The following CLDN1 variants were observed in gnomAD, a reference collection of about 807,000 sequenced individuals.
CLDN1 encodes the protein claudin 1, also known as claudin-1.
In CLDN1, 12 loss-of-function variants were observed where a neutral mutation model predicts 22.6. That is an observed-to-expected ratio of 0.53 (90% confidence interval 0.34 to 0.86). CLDN1 has a LOEUF of 0.86. Ranked by LOEUF, CLDN1 falls within the 40% of genes least tolerant of loss-of-function variation. The pLI is 0.02. For missense variants in CLDN1, 250 were observed against 269.5 expected, an observed-to-expected ratio of 0.93 and a Z score of 0.51; for synonymous variants, 99 against 103.8, an observed-to-expected ratio of 0.95 and a Z score of 0.28.
intron 1 of CLDN1, among the ~76,000 whole-genome samples, chr3:190,315,022 G>A (rs1005165832): frequency 9.9e-5 from 15 of 152,240 alleles, no homozygotes; most frequent in Middle Eastern, 6.8e-3. Flanking sequence ...GCCATACTGT[G>A]GTATGAAGAG....
chr3:190,314,494 A>C (rs113073339), intron 1 of CLDN1, among the ~76,000 whole-genome samples: 25 of 152,122 alleles, frequency 1.6e-4, no homozygotes, highest in African/African-American at 5.5e-4. Flanking sequence ...TCTGGGGCTC[A>C]AGCGATTCTC....
Position 190,308,401 on chromosome 3 carries a change from G to C in CLDN1, c.512C>G (p.Ala171Gly), listed in dbSNP as rs529377941. Residue 171 changes from alanine to glycine, a missense_variant, in exon 4 of 4, where the codon GCT becomes GGT. By Grantham distance (60) the Ala-to-Gly change is moderately conservative (BLOSUM62 0). Transcript: ENST00000295522. ...ACCTCCCAGAAGGCAGAGAGAAGCA[G>C]CAGCCCAGCCAGTGAAGAGAGCCTG... ...FGQALFTGWA[A>G]ASLCLLGGAL... is the part of the protein sequence containing the mutation. 1.1e-4 allele frequency: 171 copies of C among 1,613,694 alleles called. 2 individuals are homozygous for C. The South Asian group carries it at 1.3e-3, about 12-fold the overall frequency.
intron 2 of CLDN1, 42 bp downstream of exon 2, chr3:190,312,830 G>A: frequency 6.2e-7 from 1 of 1,604,784 alleles, no homozygotes; most frequent in South Asian, 1.1e-5. Flanking sequence ...ATCATACCAG[G>A]AACAGGTTAG....
At chr3:190,313,828 A>G (rs1716691834) in intron 1 of CLDN1, among the ~76,000 whole-genome samples, 1 of 152,196 alleles carries the variant, frequency 6.6e-6, no homozygotes, top group Non-Finnish European at 1.5e-5. Context: ...GTACTAACTC[A>G]TGATCAAATA....
intron 1 of CLDN1, among the ~76,000 whole-genome samples, chr3:190,319,610 C>G (rs1367526743): frequency 6.6e-6 from 1 of 152,202 alleles, no homozygotes; most frequent in African/African-American, 2.4e-5. Context: ...AGCCCTGCAT[C>G]TGGCCGGGAA....
chr3:190,321,513 A>G (rs1159203297), intron 1 of CLDN1, among the ~76,000 whole-genome samples: 3 of 152,248 alleles, frequency 2.0e-5, no homozygotes, highest in African/African-American at 7.2e-5. Context: ...AAATCATATT[A>G]AAGGTTAAAA....
At chr3:190,312,781 T>G (rs2108608826) in intron 2 of CLDN1, 91 bp downstream of exon 2, 2 of 1,466,752 alleles carry the variant, frequency 1.4e-6, no homozygotes, top group East Asian at 4.5e-5. Context: ...CCTTAGAGAC[T>G]GAAATCAAGT....
Position 190,308,360 on chromosome 3 carries a change from A to C in CLDN1, c.553T>G (p.Ser185Ala). The change falls in exon 4 of 4, where the codon TCC becomes GCC. Residue 185 changes from serine (S) to alanine (A), a missense_variant. Ser to Ala is a moderately conservative substitution (Grantham distance 99). Coordinates refer to ENST00000295522, the MANE Select transcript of CLDN1 (RefSeq NM_021101.5). ...TAAGAGGTTGTTTTTCGGGGACAGG[A>C]ACAGCAAAGTAGGGCACCTCCCAGA... ...CLLGGALLCC[S>A]CPRKTTSYPT... The C allele has an allele frequency of 6.2e-7, 1 of 1,613,938 alleles. No homozygotes were observed. Among genetic ancestry groups the C allele is most frequent in the Non-Finnish European group, 8.5e-7 (1 of 1,179,904 alleles).
At chr3:190,309,033 G>A (rs73889952) in intron 3 of CLDN1, among the ~76,000 whole-genome samples, 3,233 of 152,152 alleles carry the variant, frequency 0.021, 127 homozygotes, top group African/African-American at 0.073. Flanking sequence ...TGGACAATAC[G>A]GAAGAGTAGA....
At chr3:190,311,312 A>T (rs1716610862) in intron 2 of CLDN1, among the ~76,000 whole-genome samples, 1 of 152,210 alleles carries the variant, frequency 6.6e-6, no homozygotes, top group African/African-American at 2.4e-5. Context: ...GGCCACAAAG[A>T]TTACTATTCG....
At chr3:190,316,632 A>G (rs1446663650) in intron 1 of CLDN1, among the ~76,000 whole-genome samples, 1 of 152,226 alleles carries the variant, frequency 6.6e-6, no homozygotes, top group Non-Finnish European at 1.5e-5. Flanking sequence ...AGATTTGTAA[A>G]GTATGTAATC....
chr3:190,316,405 CA>C (rs1324321152), intron 1 of CLDN1, among the ~76,000 whole-genome samples: 3 of 152,014 alleles, frequency 2.0e-5, no homozygotes, highest in African/African-American at 7.2e-5. Context: ...GAGGAAAATG[CA>C]AAAATAATAT....
chr3:190,310,667 C>A (rs139950125), intron 2 of CLDN1, among the ~76,000 whole-genome samples: 145 of 152,252 alleles, frequency 9.5e-4, no homozygotes, highest in African/African-American at 3.2e-3. Context: ...TGTTCTTGAT[C>A]AAACTCAAAA....
In CLDN1 at chr3:190,322,221, C is replaced by A; in HGVS notation, c.-15G>T. The A allele has an allele frequency of 3.7e-6, 6 of 1,612,046 alleles. No individual in the cohort carries two copies. Among genetic ancestry groups the A allele is most frequent in the Non-Finnish European group, 5.1e-6 (6 of 1,179,268 alleles). Reference sequence around the variant, plus strand: ...GCGTTGGCCATGACTCGCTCGGGCGCCCGCGCTGGCTCAGGGGTGGCAGGT... The same window carrying A: ...GCGTTGGCCATGACTCGCTCGGGCGACCGCGCTGGCTCAGGGGTGGCAGGT... On this transcript the variant is annotated 5_prime_UTR_variant, in exon 1 of 4. Transcript: ENST00000295522.
intron 1 of CLDN1, among the ~76,000 whole-genome samples, chr3:190,314,988 A>G (rs1716727187): frequency 6.6e-6 from 1 of 152,156 alleles, no homozygotes; most frequent in Non-Finnish European, 1.5e-5. Context: ...AGGTTATTAC[A>G]CAACTTTTTC....
At chr3:190,318,294 T>C (rs181311186) in intron 1 of CLDN1, among the ~76,000 whole-genome samples, 2 of 152,222 alleles carry the variant, frequency 1.3e-5, no homozygotes, top group Non-Finnish European at 2.9e-5. Context: ...ATTAAGTTGA[T>C]GCTTCTATAT....
chr3:190,315,930 T>C (rs1716754257), intron 1 of CLDN1, among the ~76,000 whole-genome samples: 1 of 152,206 alleles, frequency 6.6e-6, no homozygotes, highest in South Asian at 2.1e-4. Flanking sequence ...CCAGGGCCCT[T>C]ACTGCACCCA....
chr3:190,314,665 A>C (rs1000583110), intron 1 of CLDN1, among the ~76,000 whole-genome samples: 1 of 152,094 alleles, frequency 6.6e-6, no homozygotes, highest in Non-Finnish European at 1.5e-5. Flanking sequence ...CGGCCTCCCA[A>C]AGTTCTGGGA....
At chr3:190,308,590 C>A in intron 3 of CLDN1, 151 bp from the exon 4 acceptor site, 1 of 754,226 alleles carries the variant, frequency 1.3e-6, no homozygotes, top group Admixed American at 2.5e-5. Context: ...GATTTCTGAA[C>A]ATACACGCCA....
Sources: allele counts gnomAD v4.1 joint callset (sites outside exome capture counted in the v4.1 genomes callset), GRCh38; gene constraint gnomAD v4.1.1; transcripts MANE v1.5; gene names NCBI Gene and HGNC (gene_info 2026-07-23, HGNC 2026-07-21).